The following AGAP3 variants were observed in gnomAD, a reference collection of about 807,000 sequenced individuals.
AGAP3 encodes the protein arf-GAP with GTPase, ANK repeat and PH domain-containing protein 3.
A neutral mutation model predicts 96.9 loss-of-function variants in AGAP3; 24 were observed. The ratio of observed to expected loss-of-function variants is 0.25; its 90% CI spans 0.18 to 0.35. The LOEUF (loss-of-function observed/expected upper bound fraction) is 0.35. Ranked by LOEUF, AGAP3 falls within the 10% of genes least tolerant of loss-of-function variation. The pLI, the probability that AGAP3 is intolerant of heterozygous loss-of-function variation, is 1.00. For synonymous variants in AGAP3, 563 were observed against 536.1 expected (o/e 1.05, Z -0.69); for missense variants, 876 against 1,254.2 (o/e 0.70, Z 4.55).
intron 10 of AGAP3, among the ~76,000 whole-genome samples, chr7:151,132,899 CT>C (rs1293538100): frequency 6.6e-6 from 1 of 152,204 alleles, no homozygotes; most frequent in Non-Finnish European, 1.5e-5. Flanking sequence ...AGCAGGCCCC[CT>C]GGGCTCTTTT....
In AGAP3 at chr7:151,134,562, G is replaced by A; in HGVS notation, c.1489G>A (p.Gly497Ser). Residue 497 changes from glycine (G) to serine (S), a missense_variant, in exon 11 of 18, where the codon GGC becomes AGC. Physicochemically the swap from Gly to Ser is moderately conservative, Grantham distance 56. This residue lies in a region of AGAP3 where 155 missense variants were observed against 144.4 expected (regional missense o/e 1.07). Transcript: ENST00000397238. ...GCGGAGTAACACACAGCTGGGTGGG[G>A]GCACAGGTGAGGCGGCTGCTGAGGT... is the stretch of plus-strand genomic sequence containing the variant. Reference protein sequence around the residue: ...VERSNTQLGGGTGAPHSASSA... With the variant: ...VERSNTQLGGSTGAPHSASSA... The A allele has an allele frequency of 6.2e-7, 1 of 1,608,296 alleles. No individual in the cohort carries two copies. The highest frequency in any genetic ancestry group is 1.7e-4 in the Middle Eastern group (1 of 6,036).
At chr7:151,130,625 C>T (rs920263779) in intron 10 of AGAP3, among the ~76,000 whole-genome samples, 3 of 152,006 alleles carry the variant, frequency 2.0e-5, no homozygotes, top group African/African-American at 7.3e-5. Flanking sequence ...TTGCACTGTG[C>T]GAGTCTTAGA....
chr7:151,142,528 C>A lies in AGAP3; in HGVS notation c.2167C>A (p.Pro723Thr). ...RVRSLDLDDW[P>T]PELLAVMTAM... ...GCGCTCCCTTGACCTCGATGACTGG[C>A]CGCCTGAGCTGCTGGCTGTCATGAC... The change falls in exon 16 of 18, where the codon CCG becomes ACG. Residue 723 changes from proline to threonine, a missense_variant. This residue lies in a region of AGAP3 where 103 missense variants were observed against 183.0 expected (regional missense o/e 0.56). Transcript: ENST00000397238. The surrounding 1 kb of genome is among the most constrained non-coding windows in gnomAD (Gnocchi z 7.5). 6.2e-7 allele frequency: 1 copy of A among 1,613,770 alleles called. No homozygotes were observed. Among genetic ancestry groups the A allele is most frequent in the Non-Finnish European group, 8.5e-7 (1 of 1,180,032 alleles).
intron 1 of AGAP3, among the ~76,000 whole-genome samples, chr7:151,094,935 C>T (rs1303775964): frequency 6.6e-6 from 1 of 151,598 alleles, no homozygotes; most frequent in African/African-American, 2.4e-5. Flanking sequence ...AGTGTAGTGA[C>T]GCGATCGTAG....
intron 9 of AGAP3, among the ~76,000 whole-genome samples, chr7:151,124,089 C>G (rs1015225675): frequency 2.0e-5 from 3 of 152,228 alleles, no homozygotes; most frequent in Admixed American, 2.0e-4. Context: ...AGGCCACGAG[C>G]TCTGCCTGTA....
intron 1 of AGAP3, among the ~76,000 whole-genome samples, chr7:151,111,610 G>A (rs955536003): frequency 2.0e-5 from 3 of 151,998 alleles, no homozygotes; most frequent in Non-Finnish European, 4.4e-5. Context: ...ACGCAAGCAG[G>A]GCACCCGAGG....
chr7:151,093,957 A>C (rs1798498382), intron 1 of AGAP3, among the ~76,000 whole-genome samples: 1 of 152,140 alleles, frequency 6.6e-6, no homozygotes, highest in African/African-American at 2.4e-5. Flanking sequence ...TCAAGTGAGC[A>C]CCTGAGCTGG....
intron 8 of AGAP3, chr7:151,122,913 G>C: frequency 6.7e-7 from 1 of 1,486,580 alleles, no homozygotes; most frequent in Non-Finnish European, 8.9e-7. Context: ...GAGACCCACG[G>C]GAACCTTTGT....
rs1335887921 is a variant in AGAP3, at chr7:151,088,891, G to A, written c.331+1819G>A. On this transcript the variant is annotated intron_variant, in intron 1 of 17. Transcript: ENST00000397238. Reference sequence around the variant, plus strand: ...CTCCCCTGACCGACTTCTCCATTGCGGTTTGGAAATACCCCATGGTTCCGT... The same window carrying A: ...CTCCCCTGACCGACTTCTCCATTGCAGTTTGGAAATACCCCATGGTTCCGT... Among the ~76,000 whole-genome samples, 4 of 152,212 alleles carry A rather than the reference G, an allele frequency of 2.6e-5. No homozygotes were observed. In the East Asian group the frequency reaches 7.7e-4, roughly 29 times the overall value.
Position 151,112,069 on chromosome 7 carries a change from T to C in AGAP3, c.332-4724T>C, listed in dbSNP as rs1021790110. 8 of 152,390 alleles carry C rather than the reference T, an allele frequency of 5.2e-5. 1 individual carries two copies. The highest frequency in any genetic ancestry group is 5.2e-4 in the Admixed American group (8 of 15,306). 9.4% of individuals were successfully genotyped at this position (152,390 alleles called of 1,614,324 possible). A position where few individuals can be genotyped will look rare whatever the true frequency, so the allele number is the denominator to read the frequency against. ...ACAACAGAGACCTTATCTCTGACCCTGGGCTGACCCAATGAGCAAAAGAGG... is the reference window on the plus strand; with the variant it reads ...ACAACAGAGACCTTATCTCTGACCCCGGGCTGACCCAATGAGCAAAAGAGG... On this transcript the variant is annotated intron_variant, in intron 1 of 17. Transcript: ENST00000397238.
intron 3 of AGAP3, 34 bp from the exon 4 acceptor site, chr7:151,117,337 C>T: frequency 1.9e-6 from 3 of 1,613,310 alleles, no homozygotes; most frequent in Non-Finnish European, 2.5e-6. Flanking sequence ...ATTCTTTCTC[C>T]ACACTTTGGA....
Position 151,121,735 on chromosome 7 carries a change from A to T in AGAP3, c.1128+1590A>T, listed in dbSNP as rs569171370. Among the ~76,000 whole-genome samples, 6 of 151,942 alleles carry T rather than the reference A, an allele frequency of 3.9e-5. No individual in the cohort carries two copies. In the South Asian group the frequency reaches 1.2e-3, roughly 32 times the overall value. ...TCTCCATCCTCACAGCGGCGACCTT[A>T]TATTTTCCTTCCATTGTTTCTGTGG... is the stretch of plus-strand genomic sequence containing the variant. On this transcript the variant is annotated intron_variant, in intron 8 of 17. Transcript: ENST00000397238.
intron 8 of AGAP3, chr7:151,120,373 T>TC: frequency 1.5e-6 from 1 of 652,388 alleles, no homozygotes; most frequent in South Asian, 1.8e-5. Context: ...CCTTACCCTG[T>TC]CCCCACAGTC....
At chr7:151,123,555 C>T (rs1000761359) in intron 8 of AGAP3, 8 of 1,346,572 alleles carry the variant, frequency 5.9e-6, no homozygotes, top group Non-Finnish European at 6.7e-6. Flanking sequence ...TCTGTCCTTG[C>T]TCTTTTGTAA....
Position 151,134,527 on chromosome 7 carries a change from T to A in AGAP3, c.1454T>A (p.Leu485Gln). The A allele has an allele frequency of 6.2e-7, 1 of 1,613,034 alleles. No homozygotes were observed. The highest frequency in any genetic ancestry group is 8.5e-7 in the Non-Finnish European group (1 of 1,179,894). The change falls in exon 11 of 18, where the codon CTG becomes CAG. Residue 485 changes from leucine (L) to glutamine (Q), a missense_variant. By Grantham distance (113) the Leu-to-Gln change is moderately radical. Transcript: ENST00000397238. The part of the protein sequence containing the change: ...APGTSPRANG[L>Q]SVERSNTQLG... Reference sequence around the variant, plus strand: ...GGCACCAGCCCCCGTGCCAACGGGCTGTCCGTGGAGCGGAGTAACACACAG... The same window carrying A: ...GGCACCAGCCCCCGTGCCAACGGGCAGTCCGTGGAGCGGAGTAACACACAG...
At chr7:151,120,734 C>T in intron 8 of AGAP3, 1 of 1,210,168 alleles carries the variant, frequency 8.3e-7, no homozygotes, top group Non-Finnish European at 1.1e-6. Context: ...CTGCCTCGTT[C>T]CTCCCTCTCA....
At position 151,116,111 on chromosome 7, in the gene AGAP3, GA is replaced by G. The variant is rs1251887186; in HGVS notation, c.332-681del. On this transcript the variant is annotated intron_variant, in intron 1 of 17. Coordinates refer to ENST00000397238, the MANE Select transcript of AGAP3 (RefSeq NM_031946.7). ...ACCCATGTGGAACCTGGAGGTGACG[GA>G]GATGGGGGCCTGGCTGTCGGAGGGC... 3.9e-5 allele frequency among the ~76,000 whole-genome samples: 6 copies of G among 152,304 alleles called. No homozygotes were observed. In the Middle Eastern group the frequency reaches 0.01, roughly 259 times the overall value.
At chr7:151,099,841 C>G (rs1016519955) in intron 1 of AGAP3, among the ~76,000 whole-genome samples, 1 of 152,168 alleles carries the variant, frequency 6.6e-6, no homozygotes, top group Non-Finnish European at 1.5e-5. Flanking sequence ...TTGTGTTTGT[C>G]CCATACTAAG....
Position 151,112,396 on chromosome 7 carries a change from C to CGTGTGTGTGTGTGTGT in AGAP3, c.332-4372_332-4357dup, listed in dbSNP as rs71819427. Among the ~76,000 whole-genome samples the CGTGTGTGTGTGTGTGT allele has an allele frequency of 1.2e-4, 17 of 139,948 alleles. No individual in the cohort carries two copies. The East Asian group carries it at 1.3e-3, about 11-fold the overall frequency. 91.8% of individuals were successfully genotyped at this position (139,948 alleles called of 152,430 possible). On this transcript the variant is annotated intron_variant, in intron 1 of 17. Transcript: ENST00000397238. ...GGATTGCTGCCTGCCTTCCCCGAGA[C>CGTGTGTGTGTGTGTGT]GTGTGTGTGTGTGTGTGTGTGTGTG...
Sources: gnomAD v4.1 joint callset for allele counts (sites outside exome capture counted in the v4.1 genomes callset) on GRCh38, gnomAD v4.1.1 for gene constraint, gnomAD v4.1.1 regional missense constraint, Gnocchi (gnomAD v3.1) non-coding constraint, MANE v1.5 for transcripts, NCBI Gene and HGNC (gene_info 2026-07-23, HGNC 2026-07-21) for gene names.